The following ZFYVE9 variants were observed in gnomAD, a reference collection of about 807,000 sequenced individuals.
ZFYVE9 encodes zinc finger FYVE-type containing 9, also known as zinc finger FYVE domain-containing protein 9.
A neutral mutation model predicts 126.7 loss-of-function variants in ZFYVE9; 43 were observed. The ratio of observed to expected loss-of-function variants is 0.34; its 90% CI spans 0.27 to 0.44. ZFYVE9 has a LOEUF of 0.44. Ranked by LOEUF, ZFYVE9 falls within the 20% of genes least tolerant of loss-of-function variation. The pLI, the probability that ZFYVE9 is intolerant of heterozygous loss-of-function variation, is 1.00. For missense variants in ZFYVE9, 1,476 were observed against 1,697.0 expected (o/e 0.87, Z 2.29); for synonymous variants, 521 against 597.4 (o/e 0.87, Z 1.87).
intron 1 of ZFYVE9, among the ~76,000 whole-genome samples, chr1:52,215,417 T>C (rs78379527): frequency 0.012 from 1,851 of 152,326 alleles, 32 homozygotes; most frequent in African/African-American, 0.042. Context: ...ACTTGAATTT[T>C]AGGCCTTTTA....
intron 4 of ZFYVE9, among the ~76,000 whole-genome samples, chr1:52,257,341 A>T (rs1197353298): frequency 6.6e-6 from 1 of 152,220 alleles, no homozygotes; most frequent in African/African-American, 2.4e-5. Context: ...AGACCTAGAG[A>T]GTTTAAATTA....
At chr1:52,307,987 C>T (rs897608042) in intron 13 of ZFYVE9, among the ~76,000 whole-genome samples, 6 of 151,484 alleles carry the variant, frequency 4.0e-5, no homozygotes, top group African/African-American at 7.3e-5. Flanking sequence ...CTCCTGACCT[C>T]GTGATCCACC....
intron 4 of ZFYVE9, among the ~76,000 whole-genome samples, chr1:52,249,636 C>T (rs939562227): frequency 6.6e-6 from 1 of 152,090 alleles, no homozygotes; most frequent in Non-Finnish European, 1.5e-5. Flanking sequence ...TTGATGAACT[C>T]CAACTTACAT....
At chr1:52,161,424 G>T (rs975285591) in intron 1 of ZFYVE9, among the ~76,000 whole-genome samples, 1 of 152,024 alleles carries the variant, frequency 6.6e-6, no homozygotes, top group Admixed American at 6.6e-5. Context: ...TGAGTAGCTG[G>T]GACAGCAAGC....
chr1:52,294,313 G>GT (rs1645953255), intron 11 of ZFYVE9, among the ~76,000 whole-genome samples: 1 of 152,122 alleles, frequency 6.6e-6, no homozygotes. Context: ...CTCTGATTGT[G>GT]TTTCTTTTGT....
At chr1:52,328,223 G>A (rs1021588122) in intron 13 of ZFYVE9, among the ~76,000 whole-genome samples, 7 of 152,178 alleles carry the variant, frequency 4.6e-5, no homozygotes, top group Non-Finnish European at 8.8e-5. Context: ...AGAACTGATA[G>A]AGATTCACTG....
At chr1:52,178,832 G>A (rs957420215) in intron 1 of ZFYVE9, among the ~76,000 whole-genome samples, 2 of 152,066 alleles carry the variant, frequency 1.3e-5, no homozygotes, top group Middle Eastern at 3.2e-3. Context: ...ATGAGACAGA[G>A]TCTCGCTCTG....
At chr1:52,279,538 A>G (rs1645781738) in intron 9 of ZFYVE9, among the ~76,000 whole-genome samples, 1 of 152,168 alleles carries the variant, frequency 6.6e-6, no homozygotes, top group African/African-American at 2.4e-5. Context: ...ATCTCTGTTC[A>G]TTGCAACCTC....
intron 1 of ZFYVE9, among the ~76,000 whole-genome samples, chr1:52,205,864 A>G (rs1374288740): frequency 6.6e-6 from 1 of 152,178 alleles, no homozygotes; most frequent in East Asian, 1.9e-4. Flanking sequence ...TTAGATTGCC[A>G]CCTAGAATGA....
chr1:52,267,825 T>A (rs983561558), intron 6 of ZFYVE9, among the ~76,000 whole-genome samples: 5 of 152,214 alleles, frequency 3.3e-5, no homozygotes, highest in Admixed American at 6.5e-5. Flanking sequence ...TTCATCAGAC[T>A]CAGTTTTCCA....
At chr1:52,337,285 A>G (rs2147874034) in intron 15 of ZFYVE9, among the ~76,000 whole-genome samples, 1 of 152,328 alleles carries the variant, frequency 6.6e-6, no homozygotes, top group East Asian at 1.9e-4. Context: ...ACTCTGTGGT[A>G]GGTTTGCCTT....
chr1:52,188,085 A>C (rs572940923), intron 1 of ZFYVE9, among the ~76,000 whole-genome samples: 1 of 152,260 alleles, frequency 6.6e-6, no homozygotes. Context: ...CTAAATGCCT[A>C]TCAATGGCAT....
At chr1:52,266,604 T>C (rs1569627743) in intron 5 of ZFYVE9, 51 bp from the exon 6 acceptor site, 3 of 1,472,194 alleles carry the variant, frequency 2.0e-6, no homozygotes, top group East Asian at 4.8e-5. Flanking sequence ...GAGGTCTTGA[T>C]GTCCATATTT....
chr1:52,221,409 AGCGGGG>A (rs1645123468), intron 2 of ZFYVE9, among the ~76,000 whole-genome samples: 1 of 152,242 alleles, frequency 6.6e-6, no homozygotes, highest in Admixed American at 6.5e-5. Context: ...TTAGGAAAGC[AGCGGGG>A]TTGAGTGAAT....
chr1:52,318,370 ATG>A (rs59683935), intron 13 of ZFYVE9, among the ~76,000 whole-genome samples: 3,759 of 144,324 alleles, frequency 0.026, 166 homozygotes, highest in African/African-American at 0.091. Context: ...GCATGATTGT[ATG>A]TGTGTGTGTG....
chr1:52,251,626 T>G (rs1243570137), intron 4 of ZFYVE9, among the ~76,000 whole-genome samples: 1 of 152,218 alleles, frequency 6.6e-6, no homozygotes, highest in Non-Finnish European at 1.5e-5. Context: ...TTTGTATCAG[T>G]ATACATTCAT....
chr1:52,311,869 C>T (rs1040433464), intron 13 of ZFYVE9, among the ~76,000 whole-genome samples: 1 of 151,848 alleles, frequency 6.6e-6, no homozygotes, highest in Non-Finnish European at 1.5e-5. Context: ...TGGCTCAGTG[C>T]AACTTTCGCT....
chr1:52,145,350 C>T (rs1248476615), intron 1 of ZFYVE9, among the ~76,000 whole-genome samples: 13 of 152,300 alleles, frequency 8.5e-5, no homozygotes, highest in East Asian at 7.7e-4. Context: ...ACCTTGTAAA[C>T]GTGCTAGCCA....
intron 2 of ZFYVE9, among the ~76,000 whole-genome samples, chr1:52,223,487 G>A (rs1469196233): frequency 6.6e-6 from 1 of 152,116 alleles, no homozygotes; most frequent in Admixed American, 6.5e-5. Flanking sequence ...CCTCTTAAAA[G>A]TTCCTCTATG....
Sources: allele counts gnomAD v4.1 joint callset (sites outside exome capture counted in the v4.1 genomes callset), GRCh38; gene constraint gnomAD v4.1.1; transcripts MANE v1.5; gene names NCBI Gene and HGNC (gene_info 2026-07-23, HGNC 2026-07-21).